The following SCARF2 variants were observed in gnomAD, a reference collection of about 807,000 sequenced individuals.
SCARF2 encodes scavenger receptor expressed by endothelial cells 2 protein.
Under a neutral mutation model 73.4 loss-of-function variants are expected in SCARF2, and 39 were observed. That is an observed-to-expected ratio of 0.53 (90% CI 0.41 to 0.69). The LOEUF is 0.69. SCARF2 is among the 30% of genes least tolerant of loss of function. The pLI, the probability that SCARF2 is intolerant of heterozygous loss-of-function variation, is 0.00. For missense variants in SCARF2, 1,148 were observed against 1,303.5 expected, an observed-to-expected ratio of 0.88 and a Z score of 1.84; for synonymous variants, 605 against 590.0, an observed-to-expected ratio of 1.03 and a Z score of -0.37.
At position 20,429,863 on chromosome 22, in the gene SCARF2, C is replaced by G; in HGVS notation, c.1203-30G>C. The G allele has an allele frequency of 6.2e-7, 1 of 1,606,168 alleles. No homozygotes were observed. Among genetic ancestry groups the G allele is most frequent in the Admixed American group, 1.7e-5 (1 of 59,656 alleles). ...CGGGACATAGGGTCAAGGCATGCCA[C>G]AGCCGCCCCCCTAGGATGCCCCCTA... On this transcript the variant is annotated intron_variant, in intron 6 of 10. Coordinates refer to ENST00000622235, the MANE Select transcript of SCARF2 (RefSeq NM_182895.5). The surrounding 1 kb of genome is among the most constrained non-coding windows in gnomAD (Gnocchi z 5.2).
chr22:20,432,805 C>G (rs2052662918), intron 1 of SCARF2, among the ~76,000 whole-genome samples: 2 of 152,230 alleles, frequency 1.3e-5, no homozygotes, highest in South Asian at 4.1e-4. Flanking sequence ...CAACTTCCAC[C>G]TCCCAGGTTC....
In SCARF2 at chr22:20,427,466, G is replaced by A. The variant is rs755664232; in HGVS notation, c.1625C>T (p.Ser542Phe). 1 of 1,614,212 alleles carries A rather than the reference G, an allele frequency of 6.2e-7. No homozygotes were observed. The highest frequency in any genetic ancestry group is 8.5e-7 in the Non-Finnish European group (1 of 1,180,046). Residue 542 changes from serine (S) to phenylalanine (F), a missense_variant, in exon 10 of 11, where the codon TCC becomes TTC. By Grantham distance (155) the Ser-to-Phe change is radical. Around this residue, in one of 5 missense-constraint regions of SCARF2, gnomAD observed 437 missense variants for 433.6 expected, o/e 1.01. Coordinates refer to ENST00000622235, the MANE Select transcript of SCARF2 (RefSeq NM_182895.5). ...SGLEQPSPSWSSRASFSSFDT... is the reference protein window; with the variant it reads ...SGLEQPSPSWFSRASFSSFDT... ...AAACGAGGAGAAGGAGGCCCGAGAG[G>A]ACCAGGATGGTGAGGGCTGCTCCAG...
chr22:20,428,937 A>ACGTCC (rs2052610238), intron 9 of SCARF2, among the ~76,000 whole-genome samples: 1 of 152,004 alleles, frequency 6.6e-6, no homozygotes, highest in Non-Finnish European at 1.5e-5. Context: ...AGCCTGCGGG[A>ACGTCC]CCCAGATGTC....
intron 1 of SCARF2, among the ~76,000 whole-genome samples, chr22:20,436,597 C>T (rs1391039943): frequency 1.3e-5 from 2 of 151,882 alleles, no homozygotes; most frequent in Non-Finnish European, 2.9e-5. Flanking sequence ...AGCCCCTGGA[C>T]TCGGCTTGCC....
Position 20,431,200 on chromosome 22 carries a change from C to T in SCARF2, c.672G>A (p.Gln224=), listed in dbSNP as rs2052642161. 1.3e-6 allele frequency: 2 copies of T among 1,561,790 alleles called. No homozygotes were observed. The highest frequency in any genetic ancestry group is 1.7e-6 in the Non-Finnish European group (2 of 1,162,302). Reference sequence around the variant, plus strand: ...CGCGGCACTGACAGCGGCCGCTCTGCTGCTCGCAGGGAGACGAGTTGCAGG... The same window carrying T: ...CGCGGCACTGACAGCGGCCGCTCTGTTGCTCGCAGGGAGACGAGTTGCAGG... ...QCACNSSPCE[Q]QSGRCQCRER... The change falls in exon 4 of 11, where the codon CAG becomes CAA. Residue 224 remains glutamine, a synonymous_variant. Transcript: ENST00000622235.
chr22:20,429,405 G>T lies in SCARF2; in HGVS notation c.1425-65C>A, dbSNP rs199752737. 4.5e-6 allele frequency: 7 copies of T among 1,556,246 alleles called. No homozygotes were observed. Among genetic ancestry groups the T allele is most frequent in the Non-Finnish European group, 6.1e-6 (7 of 1,151,524 alleles). On this transcript the variant is annotated intron_variant, in intron 8 of 10. Coordinates refer to ENST00000622235, the MANE Select transcript of SCARF2 (RefSeq NM_182895.5). The surrounding 1 kb of genome is among the most constrained non-coding windows in gnomAD (Gnocchi z 5.2). Reference sequence around the variant, plus strand: ...CGGGGCCCAGGGGCGATTAGATCTCGGCCGGAGCCAAGCACAGAAGGGGCG... The same window carrying T: ...CGGGGCCCAGGGGCGATTAGATCTCTGCCGGAGCCAAGCACAGAAGGGGCG...
At chr22:20,435,726 G>A (rs548521977) in intron 1 of SCARF2, among the ~76,000 whole-genome samples, 216 of 152,300 alleles carry the variant, frequency 1.4e-3, no homozygotes, top group Non-Finnish European at 2.5e-3. Context: ...CACCCTAAAG[G>A]AAACAGCACT....
chr22:20,426,235 C>A lies in SCARF2; in HGVS notation c.1741G>T (p.Glu581Ter). The change falls in exon 11 of 11, where the codon GAG (glutamate) becomes TAG (stop). Residue 581 changes from glutamate to a stop codon, truncating the protein, a stop_gained. Transcript: ENST00000622235. LOFTEE classifies it low-confidence loss of function (END_TRUNC). ...GGCACAGGGGACGGCGCCGGCGCCT[C>A]GGCAGGGACAGTGGGGACTTCGGGG... Reference protein sequence around the residue: ...RDPEVPTVPAEAPAPSPVPLT... With the variant: ...RDPEVPTVPA 1 of 1,535,712 alleles carries A rather than the reference C, an allele frequency of 6.5e-7. No homozygotes were observed. The highest frequency in any genetic ancestry group is 2.4e-5 in the East Asian group (1 of 41,544).
Position 20,425,942 on chromosome 22 carries a change from G to T in SCARF2, c.2034C>A (p.Gly678=). Residue 678 remains glycine (G), a synonymous_variant, in exon 11 of 11, where the codon GGC becomes GGA. Coordinates refer to ENST00000622235, the MANE Select transcript of SCARF2 (RefSeq NM_182895.5). The surrounding 1 kb of genome is among the most constrained non-coding windows in gnomAD (Gnocchi z 4.6). ...CTGGCGGCGGTGGTGAGGGCGCACG[G>T]CCAGCTGCAGCGGCGCTGTGCTTGC... ...IHGKHSAAAA[G]RAPSPPPPGS... 1 of 1,594,474 alleles carries T rather than the reference G, an allele frequency of 6.3e-7. No individual in the cohort carries two copies. The highest frequency in any genetic ancestry group is 1.7e-4 in the Middle Eastern group (1 of 6,010).
Position 20,425,260 on chromosome 22 carries a change from AGCCGCGCGGTGCCCGGCCAATAGGAG to A in SCARF2, c.*89_*114del. On this transcript the variant is annotated 3_prime_UTR_variant, in exon 11 of 11. Coordinates refer to ENST00000622235, the MANE Select transcript of SCARF2 (RefSeq NM_182895.5). The surrounding 1 kb of genome is among the most constrained non-coding windows in gnomAD (Gnocchi z 4.6). ...GAGCCAATGAGACGCAACCTCCGCT[AGCCGCGCGGTGCCCGGCCAATAGGAG>A]GCCGCCCGTGCCCGGTAGCGTGGGA... is the stretch of plus-strand genomic sequence containing the variant. 4 of 887,284 alleles carry A rather than the reference AGCCGCGCGGTGCCCGGCCAATAGGAG, an allele frequency of 4.5e-6. No homozygotes were observed. The highest frequency in any genetic ancestry group is 3.3e-5 in the East Asian group (1 of 29,994). The allele number at this position is 887,284 out of a possible 1,614,324, so 55.0% of individuals were successfully genotyped here.
chr22:20,426,371 C>G, intron 10 of SCARF2, 89 bp from the exon 11 acceptor site: 1 of 1,420,794 alleles, frequency 7.0e-7, no homozygotes, highest in Non-Finnish European at 9.5e-7. Context: ...CTTTCCTCCT[C>G]TACCCACGCC....
At position 20,437,567 on chromosome 22, in the gene SCARF2, C is replaced by T; in HGVS notation, c.173+15G>A. ...CGTCCCTCTCGCCCCCTCCCCCAGC[C>T]AGGCCGGCTCCTACCCGGGAGCACG... On this transcript the variant is annotated intron_variant, in intron 1 of 10. Coordinates refer to ENST00000622235, the MANE Select transcript of SCARF2 (RefSeq NM_182895.5). The T allele has an allele frequency of 6.4e-7, 1 of 1,569,444 alleles. No individual in the cohort carries two copies. Among genetic ancestry groups the T allele is most frequent in the Non-Finnish European group, 8.6e-7 (1 of 1,165,490 alleles).
Position 20,425,288 on chromosome 22 carries a change from C to A in SCARF2, c.*87G>T. On this transcript the variant is annotated 3_prime_UTR_variant, in exon 11 of 11. Coordinates refer to ENST00000622235, the MANE Select transcript of SCARF2 (RefSeq NM_182895.5). The surrounding 1 kb of genome is among the most constrained non-coding windows in gnomAD (Gnocchi z 4.6). ...CGCGCGGTGCCCGGCCAATAGGAGG[C>A]CGCCCGTGCCCGGTAGCGTGGGAGG... 8.5e-7 allele frequency: 1 copy of A among 1,177,480 alleles called. No homozygotes were observed. Among genetic ancestry groups the A allele is most frequent in the Non-Finnish European group, 1.1e-6 (1 of 914,894 alleles). 72.9% of individuals were successfully genotyped at this position (1,177,480 alleles called of 1,614,324 possible).
chr22:20,429,167 C>G lies in SCARF2; in HGVS notation c.1540+58G>C. ...TCTGGACCCCCTCACACCCATTTCC[C>G]AGCAGCTTCCTGCGTCGAGAGGTGT... On this transcript the variant is annotated intron_variant, in intron 9 of 10. Coordinates refer to ENST00000622235, the MANE Select transcript of SCARF2 (RefSeq NM_182895.5). The surrounding 1 kb of genome is among the most constrained non-coding windows in gnomAD (Gnocchi z 5.2). 1.2e-6 allele frequency: 2 copies of G among 1,610,896 alleles called. No homozygotes were observed. Among genetic ancestry groups the G allele is most frequent in the Admixed American group, 3.3e-5 (2 of 59,994 alleles).
chr22:20,430,391 A>G, intron 6 of SCARF2, 38 bp downstream of exon 6: 2 of 1,571,434 alleles, frequency 1.3e-6, no homozygotes, highest in Admixed American at 1.8e-5. Context: ...TGTGGCAGGT[A>G]CAAGCCCCCA....
chr22:20,430,467 C>A lies in SCARF2; in HGVS notation c.1164G>T (p.Ser388=). 6.3e-7 allele frequency: 1 copy of A among 1,594,444 alleles called. No individual in the cohort carries two copies. The highest frequency in any genetic ancestry group is 8.5e-7 in the Non-Finnish European group (1 of 1,171,544). The part of the protein sequence containing the change: ...DCGSGHCDFQ[S]GRCLCSPGVH... Reference sequence around the variant, plus strand: ...CGCCAGGGCTGCACAGGCAGCGCCCCGACTGGAAGTCGCAGTGTCCGCTGC... The same window carrying A: ...CGCCAGGGCTGCACAGGCAGCGCCCAGACTGGAAGTCGCAGTGTCCGCTGC... The change falls in exon 6 of 11, where the codon TCG becomes TCT. Residue 388 remains serine, a synonymous_variant. Transcript: ENST00000622235.
chr22:20,436,460 C>CAGAT (rs1039531102), intron 1 of SCARF2, among the ~76,000 whole-genome samples: 48 of 152,070 alleles, frequency 3.2e-4, no homozygotes, highest in Non-Finnish European at 6.3e-4. Flanking sequence ...CGATGCGAAG[C>CAGAT]AGATGGCGGG....
Position 20,425,108 on chromosome 22 carries a change from C to T in SCARF2, c.*267G>A. ...TTTGGCCAATGAGACGCTGTCTGGT[C>T]GGAGCGCTCCATAACTCGGCCAATG... On this transcript the variant is annotated 3_prime_UTR_variant, in exon 11 of 11. Coordinates refer to ENST00000622235, the MANE Select transcript of SCARF2 (RefSeq NM_182895.5). The surrounding 1 kb of genome is among the most constrained non-coding windows in gnomAD (Gnocchi z 4.6). The T allele has an allele frequency of 2.6e-6, 1 of 383,166 alleles. No individual in the cohort carries two copies. Among genetic ancestry groups the T allele is most frequent in the South Asian group, 1.4e-4 (1 of 7,088 alleles). The allele number at this position is 383,166 out of a possible 1,614,324, so 23.7% of individuals were successfully genotyped here.
intron 1 of SCARF2, among the ~76,000 whole-genome samples, chr22:20,436,524 G>A (rs910525267): frequency 6.6e-6 from 1 of 151,926 alleles, no homozygotes; most frequent in Non-Finnish European, 1.5e-5. Flanking sequence ...GGGTCTGCGC[G>A]CCTCCGGACC....
Sources: gnomAD v4.1 joint callset for allele counts (sites outside exome capture counted in the v4.1 genomes callset) on GRCh38, gnomAD v4.1.1 for gene constraint, gnomAD v4.1.1 regional missense constraint, Gnocchi (gnomAD v3.1) non-coding constraint, MANE v1.5 for transcripts, NCBI Gene and HGNC (gene_info 2026-07-23, HGNC 2026-07-21) for gene names.